NT5E: variants seen among roughly 807,000 people sequenced by gnomAD.
NT5E encodes 5'-nucleotidase ecto, also known as 5'-nucleotidase.
Under a neutral mutation model 55.1 loss-of-function variants are expected in NT5E, and 53 were observed. That is an observed-to-expected ratio of 0.96 (90% CI 0.77 to 1.21). The LOEUF (loss-of-function observed/expected upper bound fraction) is 1.21. Ranked by LOEUF, NT5E falls within the 50% of genes most tolerant of loss-of-function variation. The pLI is 0.00. For missense variants in NT5E, 683 were observed against 724.3 expected, an observed-to-expected ratio of 0.94 and a Z score of 0.65; for synonymous variants, 270 against 278.4, an observed-to-expected ratio of 0.97 and a Z score of 0.30.
chr6:85,459,988 A>T (rs1323676603), intron 1 of NT5E, among the ~76,000 whole-genome samples: 2 of 152,244 alleles, frequency 1.3e-5, no homozygotes, highest in Non-Finnish European at 1.5e-5. Context: ...TGTAATTCAC[A>T]TGAATTCTCT....
Position 85,467,134 on chromosome 6 carries a change from A to T in NT5E, c.414A>T (p.Pro138=). ...CACTCCTCAAAGAGGCCAAATTTCC[A>T]ATTCTGAGTGCAAACATTAAAGCAA... The part of the protein sequence containing the change: ...IEPLLKEAKF[P]ILSANIKAKG... The change falls in exon 2 of 9, where the codon CCA becomes CCT. Residue 138 remains proline (P), a synonymous_variant. Coordinates refer to ENST00000257770, the MANE Select transcript of NT5E (RefSeq NM_002526.4). 7 of 1,614,196 alleles carry T rather than the reference A, an allele frequency of 4.3e-6. No homozygotes were observed. The highest frequency in any genetic ancestry group is 5.9e-6 in the Non-Finnish European group (7 of 1,180,036).
At chr6:85,492,944 C>A (rs1051094206) in intron 8 of NT5E, among the ~76,000 whole-genome samples, 9 of 152,154 alleles carry the variant, frequency 5.9e-5, no homozygotes, top group African/African-American at 2.2e-4. Flanking sequence ...AAGGAGGCAG[C>A]CCTTCCTGGG....
intron 1 of NT5E, among the ~76,000 whole-genome samples, chr6:85,456,591 C>T (rs1464961268): frequency 2.0e-5 from 3 of 152,050 alleles, no homozygotes; most frequent in African/African-American, 7.3e-5. Context: ...GAGGAAAAAC[C>T]CTCCCAGCTA....
In NT5E at chr6:85,492,229, G is replaced by A. The variant is rs753905752; in HGVS notation, c.1561+52G>A. On this transcript the variant is annotated intron_variant, in intron 8 of 8. Transcript: ENST00000257770. ...CTAAAGAACAACAAAATTGGGCCAA[G>A]AAGGGGAGCTACTAGTGGTGCCAGG... 3.2e-6 allele frequency: 5 copies of A among 1,563,140 alleles called. No homozygotes were observed. The South Asian group carries it at 4.4e-5, about 14-fold the overall frequency.
chr6:85,491,856 C>G, intron 7 of NT5E, 121 bp from the exon 8 acceptor site: 5 of 850,014 alleles, frequency 5.9e-6, no homozygotes, highest in Non-Finnish European at 1.0e-5. Flanking sequence ...AAATTTCACT[C>G]AGGTTTAAAC....
chr6:85,494,201 T>G lies in NT5E; in HGVS notation c.*197T>G. ...CAACCTAGTGAGTTAGAAAAAAAAT[T>G]AACATAGGGCCCTATAAGGAGAAAG... On this transcript the variant is annotated 3_prime_UTR_variant, in exon 9 of 9. Transcript: ENST00000257770. 1.6e-6 allele frequency: 1 copy of G among 609,316 alleles called. No homozygotes were observed. Among genetic ancestry groups the G allele is most frequent in the Non-Finnish European group, 2.9e-6 (1 of 347,532 alleles). The allele number at this position is 609,316 out of a possible 1,614,324, so 37.7% of individuals were successfully genotyped here.
chr6:85,460,119 T>A (rs189965375), intron 1 of NT5E, among the ~76,000 whole-genome samples: 22 of 152,338 alleles, frequency 1.4e-4, no homozygotes, highest in African/African-American at 5.3e-4. Flanking sequence ...CAAAATAACA[T>A]TCAATTATCA....
intron 3 of NT5E, 161 bp downstream of exon 3, chr6:85,471,586 G>T: frequency 2.8e-6 from 1 of 360,710 alleles, no homozygotes. Flanking sequence ...GGGAACATGT[G>T]CAAATCTTAC....
At chr6:85,453,780 T>G (rs909517294) in intron 1 of NT5E, among the ~76,000 whole-genome samples, 1 of 152,210 alleles carries the variant, frequency 6.6e-6, no homozygotes, top group African/African-American at 2.4e-5. Flanking sequence ...GTGGGAACCA[T>G]GGCCCCCGCC....
rs571443574 is a variant in NT5E at position 85,455,726 on chromosome 6, T to C, written c.339+5248T>C. On this transcript the variant is annotated intron_variant, in intron 1 of 8. Coordinates refer to ENST00000257770, the MANE Select transcript of NT5E (RefSeq NM_002526.4). ...TCAGCCTGAAGTCAGGGCAGTCTTGTAGGATTGAGCCCTTAACCTATGGGA... is the reference window on the plus strand; with the variant it reads ...TCAGCCTGAAGTCAGGGCAGTCTTGCAGGATTGAGCCCTTAACCTATGGGA... 1.5e-4 allele frequency among the ~76,000 whole-genome samples: 23 copies of C among 152,336 alleles called. 1 individual carries two copies. Among genetic ancestry groups the C allele is most frequent in the Admixed American group, 1.2e-3 (19 of 15,308 alleles).
chr6:85,494,478 A>T lies in NT5E; in HGVS notation c.*474A>T. ...AAGCTCAAAAAGGGTTGACTTGACC[A>T]TACAGCTAATGCTGACAGATCCAAG... is the stretch of plus-strand genomic sequence containing the variant. On this transcript the variant is annotated 3_prime_UTR_variant, in exon 9 of 9. Transcript: ENST00000257770. 5.4e-6 allele frequency: 1 copy of T among 183,826 alleles called. No homozygotes were observed. Among genetic ancestry groups the T allele is most frequent in the Admixed American group, 5.5e-5 (1 of 18,304 alleles). The allele number at this position is 183,826 out of a possible 1,614,324, so 11.4% of individuals were successfully genotyped here. A position where few individuals can be genotyped will look rare whatever the true frequency, so the allele number is the denominator to read the frequency against.
chr6:85,491,590 ATTAC>A (rs1442676317), intron 7 of NT5E, among the ~76,000 whole-genome samples: 1 of 152,224 alleles, frequency 6.6e-6, no homozygotes, highest in Non-Finnish European at 1.5e-5. Flanking sequence ...ATCCCAAATG[ATTAC>A]CATTTAATGG....
chr6:85,455,830 G>A (rs1768978055), intron 1 of NT5E, among the ~76,000 whole-genome samples: 1 of 152,098 alleles, frequency 6.6e-6, no homozygotes, highest in African/African-American at 2.4e-5. Flanking sequence ...AGTACTGTTT[G>A]GTGTCTGGGG....
At chr6:85,473,278 A>G (rs1769355416) in intron 3 of NT5E, among the ~76,000 whole-genome samples, 1 of 152,200 alleles carries the variant, frequency 6.6e-6, no homozygotes, top group African/African-American at 2.4e-5. Flanking sequence ...TGTGGAATGA[A>G]GGTGATAACA....
chr6:85,489,202 G>A (rs1769731897), intron 5 of NT5E, among the ~76,000 whole-genome samples: 1 of 152,154 alleles, frequency 6.6e-6, no homozygotes, highest in Non-Finnish European at 1.5e-5. Context: ...TGCATGGGAG[G>A]CCCAGTCCCG....
intron 2 of NT5E, among the ~76,000 whole-genome samples, chr6:85,469,528 G>A (rs936539359): frequency 2.6e-5 from 4 of 152,182 alleles, no homozygotes; most frequent in African/African-American, 9.7e-5. Flanking sequence ...AAGCAGGAGG[G>A]GAATGGCAAG....
chr6:85,453,562 A>AG (rs1768932829), intron 1 of NT5E, among the ~76,000 whole-genome samples: 2 of 152,222 alleles, frequency 1.3e-5, no homozygotes, highest in African/African-American at 2.4e-5. Context: ...ACAAAACTGA[A>AG]GGTATCCACC....
intron 7 of NT5E, 122 bp from the exon 8 acceptor site, chr6:85,491,855 T>A (rs544902150): frequency 8.3e-6 from 7 of 845,998 alleles, no homozygotes; most frequent in Non-Finnish European, 1.4e-5. Flanking sequence ...AAAATTTCAC[T>A]CAGGTTTAAA....
At chr6:85,474,757 C>A (rs1769391266) in intron 3 of NT5E, among the ~76,000 whole-genome samples, 1 of 152,044 alleles carries the variant, frequency 6.6e-6, no homozygotes, top group Non-Finnish European at 1.5e-5. Flanking sequence ...AGGGAGACCC[C>A]CATATCTACA....
Sources: gnomAD v4.1 joint callset for allele counts (sites outside exome capture counted in the v4.1 genomes callset) on GRCh38, gnomAD v4.1.1 for gene constraint, MANE v1.5 for transcripts, NCBI Gene and HGNC (gene_info 2026-07-23, HGNC 2026-07-21) for gene names.